ESPNL: variants seen among roughly 807,000 people sequenced by gnomAD.
The protein encoded by ESPNL is espin-like protein.
ESPNL carries 49 observed loss-of-function variants against 46.8 expected under a neutral mutation model. That is an observed-to-expected ratio of 1.05 (90% CI 0.83 to 1.33). ESPNL has a LOEUF of 1.33. Ranked by LOEUF, ESPNL falls within the 40% of genes most tolerant of loss-of-function variation. The probability of loss-of-function intolerance (pLI) is 0.00; values close to 1 mark genes in which losing one functional copy is unlikely to be tolerated. For missense variants in ESPNL, 1,540 were observed against 1,436.6 expected (o/e 1.07, Z -1.16); for synonymous variants, 664 against 662.1 (o/e 1.00, Z -0.04).
rs946923182 is a variant in ESPNL at position 238,128,750 on chromosome 2, C to A, written c.1259C>A (p.Ala420Asp). ...ALAGDTSDGL[A>D]ALQLDGLPSG... Reference sequence around the variant, plus strand: ...GCGGGGGACACCTCAGATGGCCTGGCCGCACTACAGCTGGATGGGCTGCCC... The same window carrying A: ...GCGGGGGACACCTCAGATGGCCTGGACGCACTACAGCTGGATGGGCTGCCC... The change falls in exon 8 of 9, where the codon GCC becomes GAC. Residue 420 changes from alanine (A) to aspartate (D), a missense_variant. Transcript: ENST00000343063. The A allele has an allele frequency of 3.0e-5, 48 of 1,599,952 alleles. No individual in the cohort carries two copies. In the Middle Eastern group the frequency reaches 1.2e-3, roughly 39 times the overall value.
intron 7 of ESPNL, among the ~76,000 whole-genome samples, 191 bp downstream of exon 7, chr2:238,127,925 C>T (rs1692177571): frequency 6.6e-6 from 1 of 152,160 alleles, no homozygotes; most frequent in Non-Finnish European, 1.5e-5. Flanking sequence ...GTCAGGGCGA[C>T]GGCAGCTGTC....
At chr2:238,101,466 T>G (rs1272402397) in intron 1 of ESPNL, among the ~76,000 whole-genome samples, 2 of 152,200 alleles carry the variant, frequency 1.3e-5, no homozygotes, top group African/African-American at 2.4e-5. Context: ...GGATCCATTC[T>G]GACAGGGCCC....
Position 238,131,041 on chromosome 2 carries a change from A to C in ESPNL, c.2327A>C (p.Gln776Pro), listed in dbSNP as rs1692314055. 5.9e-6 allele frequency: 9 copies of C among 1,538,238 alleles called. No homozygotes were observed. The highest frequency in any genetic ancestry group is 7.9e-6 in the Non-Finnish European group (9 of 1,143,298). Residue 776 changes from glutamine (Q) to proline (P), a missense_variant, in exon 9 of 9, where the codon CAG (glutamine) becomes CCG (proline). Coordinates refer to ENST00000343063, the MANE Select transcript of ESPNL (RefSeq NM_194312.4). ...GCCCGCCACGCGGGGTTGCGGGGCC[A>C]GGAGGCCGCCAGGAGCCCTGGGCCA... is the stretch of plus-strand genomic sequence containing the variant. ...LGARHAGLRG[Q>P]EAARSPGPPS...
At chr2:238,126,662 TTGTGTC>T (rs1283595525) in intron 6 of ESPNL, among the ~76,000 whole-genome samples, 1 of 147,972 alleles carries the variant, frequency 6.8e-6, no homozygotes, top group East Asian at 2.1e-4. Flanking sequence ...GTGTCTGTGA[TTGTGTC>T]TGTGTGATTG....
intron 5 of ESPNL, among the ~76,000 whole-genome samples, chr2:238,122,932 C>T (rs768311543): frequency 2.6e-5 from 4 of 152,212 alleles, no homozygotes; most frequent in African/African-American, 4.8e-5. Context: ...GAAGCAGCGA[C>T]GCCAGCCTCT....
intron 5 of ESPNL, among the ~76,000 whole-genome samples, chr2:238,120,767 G>T (rs1422314481): frequency 6.6e-6 from 1 of 152,234 alleles, no homozygotes; most frequent in Non-Finnish European, 1.5e-5. Flanking sequence ...CCCTCTTCAG[G>T]CCTCTGAGGG....
chr2:238,129,143 A>G, intron 8 of ESPNL: 1 of 1,398,970 alleles, frequency 7.1e-7, no homozygotes, highest in South Asian at 1.7e-5. Flanking sequence ...CACTTGGCGG[A>G]TTTGTGGCAC....
At position 238,128,720 on chromosome 2, in the gene ESPNL, C is replaced by T. The variant is rs370787254; in HGVS notation, c.1229C>T (p.Ala410Val). The stretch of plus-strand genomic sequence containing the variant: ...CCTTCTGCACAGGGGACAGAGACGG[C>T]GCTGGCGGGGGACACCTCAGATGGC... The part of the protein sequence containing the change: ...ATADPEGTET[A>V]LAGDTSDGLA... Residue 410 changes from alanine to valine, a missense_variant, in exon 8 of 9, where the codon GCG becomes GTG. Transcript: ENST00000343063. The T allele has an allele frequency of 4.4e-6, 7 of 1,601,192 alleles. No individual in the cohort carries two copies. Among genetic ancestry groups the T allele is most frequent in the African/African-American group, 1.3e-5 (1 of 74,810 alleles).
intron 6 of ESPNL, chr2:238,127,338 C>T: frequency 8.0e-7 from 1 of 1,245,268 alleles, no homozygotes; most frequent in Non-Finnish European, 1.0e-6. Flanking sequence ...GGGGCGGCCT[C>T]AAGCCCTTCC....
chr2:238,131,775 C>A lies in ESPNL; in HGVS notation c.*43C>A. 1 of 1,531,676 alleles carries A rather than the reference C, an allele frequency of 6.5e-7. No homozygotes were observed. The highest frequency in any genetic ancestry group is 8.8e-7 in the Non-Finnish European group (1 of 1,136,794). 94.9% of individuals were successfully genotyped at this position (1,531,676 alleles called of 1,614,324 possible). A position where few individuals can be genotyped will look rare whatever the true frequency, so the allele number is the denominator to read the frequency against. On this transcript the variant is annotated 3_prime_UTR_variant, in exon 9 of 9. Coordinates refer to ENST00000343063, the MANE Select transcript of ESPNL (RefSeq NM_194312.4). Reference sequence around the variant, plus strand: ...TTTCCAGAATGTGGTTTGGGGGTGACTTGGAGTTTCTCTTTTCTTTTCCTT... The same window carrying A: ...TTTCCAGAATGTGGTTTGGGGGTGAATTGGAGTTTCTCTTTTCTTTTCCTT...
In ESPNL at chr2:238,128,944, G is replaced by A. The variant is rs767293678; in HGVS notation, c.1413+40G>A. ...GGGGCGGGACCAGTGGGCGGGGCGG[G>A]GCCTTTTCCAGGTAGGTGGAAGTGG... is the stretch of plus-strand genomic sequence containing the variant. On this transcript the variant is annotated intron_variant, in intron 8 of 8. Transcript: ENST00000343063. 7.0e-5 allele frequency: 106 copies of A among 1,511,156 alleles called. No individual in the cohort carries two copies. In the South Asian group the frequency reaches 8.7e-4, roughly 12 times the overall value. The allele number at this position is 1,511,156 out of a possible 1,614,324, so 93.6% of individuals were successfully genotyped here.
intron 5 of ESPNL, among the ~76,000 whole-genome samples, chr2:238,119,316 TTGGATGGAGGAGG>T (rs1258732764): frequency 0.025 from 2,304 of 93,822 alleles, 82 homozygotes; most frequent in African/African-American, 0.097. Context: ...GATGAAGGAG[TTGGATGGAGGAGG>T]TGGATGGAGG....
intron 2 of ESPNL, among the ~76,000 whole-genome samples, chr2:238,102,822 T>G (rs1691514393): frequency 6.6e-6 from 1 of 152,214 alleles, no homozygotes; most frequent in South Asian, 2.1e-4. Flanking sequence ...CGAACCTTCC[T>G]GTCCCCCAGG....
At position 238,130,237 on chromosome 2, in the gene ESPNL, T is replaced by G. The variant is rs779237320; in HGVS notation, c.1523T>G (p.Val508Gly). 1 of 1,611,324 alleles carries G rather than the reference T, an allele frequency of 6.2e-7. No individual in the cohort carries two copies. Among genetic ancestry groups the G allele is most frequent in the Non-Finnish European group, 8.5e-7 (1 of 1,179,262 alleles). Residue 508 changes from valine (V) to glycine (G), a missense_variant, in exon 9 of 9, where the codon GTC becomes GGC. Val to Gly is a moderately radical substitution (Grantham distance 109). Transcript: ENST00000343063. ...FGELLTEDDL[V>G]YLEKQIADLQ... ...GAGCTGCTGACAGAGGATGACCTGG[T>G]CTACCTGGAGAAGCAGATTGCAGAC...
Position 238,125,307 on chromosome 2 carries a change from C to A in ESPNL, c.1025C>A (p.Pro342His). 6.4e-7 allele frequency: 1 copy of A among 1,564,316 alleles called. No individual in the cohort carries two copies. The change falls in exon 6 of 9, where the codon CCC becomes CAC. Residue 342 changes from proline (P) to histidine (H), a missense_variant. Coordinates refer to ENST00000343063, the MANE Select transcript of ESPNL (RefSeq NM_194312.4). ...ATGACGCCCCCACCACCACCGTTCCCCCCACCTCCACTGTTGGCCACGAGG... is the reference window on the plus strand; with the variant it reads ...ATGACGCCCCCACCACCACCGTTCCACCCACCTCCACTGTTGGCCACGAGG... The part of the protein sequence containing the change: ...LLMTPPPPPF[P>H]PPPLLATRRS...
At position 238,130,867 on chromosome 2, in the gene ESPNL, G is replaced by T. The variant is rs1201508086; in HGVS notation, c.2153G>T (p.Cys718Phe). The T allele has an allele frequency of 6.4e-7, 1 of 1,555,870 alleles. No individual in the cohort carries two copies. The highest frequency in any genetic ancestry group is 1.4e-5 in the African/African-American group (1 of 73,974). The change falls in exon 9 of 9, where the codon TGC (cysteine) becomes TTC (phenylalanine). Residue 718 changes from cysteine (C) to phenylalanine (F), a missense_variant. Transcript: ENST00000343063. ...TEEASDSGIS[C>F]EEVPSEAGAA... ...GAGGCCAGCGACTCTGGCATCAGCT[G>T]CGAGGAGGTGCCATCAGAGGCGGGT... is the stretch of plus-strand genomic sequence containing the variant.
Position 238,131,370 on chromosome 2 carries a change from T to A in ESPNL, c.2656T>A (p.Phe886Ile). 1 of 1,602,916 alleles carries A rather than the reference T, an allele frequency of 6.2e-7. No homozygotes were observed. Among genetic ancestry groups the A allele is most frequent in the East Asian group, 2.3e-5 (1 of 44,440 alleles). Residue 886 changes from phenylalanine (F) to isoleucine (I), a missense_variant, in exon 9 of 9, where the codon TTC becomes ATC. Coordinates refer to ENST00000343063, the MANE Select transcript of ESPNL (RefSeq NM_194312.4). ...GCGCCACCTGCTGTGCTTCGAGGTCTTCGAGCACCTGGGCACCCACGGCTG... is the reference window on the plus strand; with the variant it reads ...GCGCCACCTGCTGTGCTTCGAGGTCATCGAGCACCTGGGCACCCACGGCTG... ...KLRHLLCFEV[F>I]EHLGTHGWEA...
At position 238,128,705 on chromosome 2, in the gene ESPNL, A is replaced by G. The variant is rs1692199742; in HGVS notation, c.1216-2A>G. On this transcript the variant is annotated splice_acceptor_variant, in intron 7 of 8. Transcript: ENST00000343063. LOFTEE classifies it high-confidence loss of function. Reference sequence around the variant, plus strand: ...CTGTGTGACCCACCCCCTTCTGCACAGGGGACAGAGACGGCGCTGGCGGGG... The same window carrying G: ...CTGTGTGACCCACCCCCTTCTGCACGGGGGACAGAGACGGCGCTGGCGGGG... The G allele has an allele frequency of 2.5e-6, 4 of 1,596,968 alleles. No individual in the cohort carries two copies. The highest frequency in any genetic ancestry group is 2.3e-5 in the East Asian group (1 of 43,962).
In ESPNL at chr2:238,114,988, G is replaced by T. The variant is rs1430738982; in HGVS notation, c.856-1915G>T. Among the ~76,000 whole-genome samples, 1 of 152,226 alleles carries T rather than the reference G, an allele frequency of 6.6e-6. No homozygotes were observed. The highest frequency in any genetic ancestry group is 1.5e-5 in the Non-Finnish European group (1 of 68,036). ...ACACCCCAGTCTGCAGCTTAGAGGC[G>T]CAGGGTCATCATCCTCAGGCAGTGA... On this transcript the variant is annotated intron_variant, in intron 4 of 8. Transcript: ENST00000343063. The surrounding 1 kb of genome is among the most constrained non-coding windows in gnomAD (Gnocchi z 5.0).
Sources: gnomAD v4.1 joint callset for allele counts (sites outside exome capture counted in the v4.1 genomes callset) on GRCh38, gnomAD v4.1.1 for gene constraint, Gnocchi (gnomAD v3.1) non-coding constraint, MANE v1.5 for transcripts, NCBI Gene and HGNC (gene_info 2026-07-23, HGNC 2026-07-21) for gene names.